Variants in ADGRL2 observed in about 807,000 individuals in gnomAD.
The protein encoded by ADGRL2 is calcium-independent alpha-latrotoxin receptor 2.
ADGRL2 carries 44 observed loss-of-function variants against 157.4 expected under a neutral mutation model. The ratio of observed to expected loss-of-function variants is 0.28; its 90% CI spans 0.22 to 0.36. ADGRL2 has a LOEUF of 0.36. Ranked by LOEUF, ADGRL2 falls within the 10% of genes least tolerant of loss-of-function variation. The probability of loss-of-function intolerance (pLI) is 1.00; values close to 1 mark genes in which losing one functional copy is unlikely to be tolerated. For missense variants in ADGRL2, 1,510 were observed against 1,768.9 expected, an observed-to-expected ratio of 0.85 and a Z score of 2.63; for synonymous variants, 585 against 624.7, an observed-to-expected ratio of 0.94 and a Z score of 0.95.
At chr1:81,872,197 C>A (rs1438409231) in intron 2 of ADGRL2, among the ~76,000 whole-genome samples, 8 of 152,278 alleles carry the variant, frequency 5.3e-5, no homozygotes, top group Non-Finnish European at 1.2e-4. Flanking sequence ...GGAATCTTTT[C>A]TCCATTTCTT....
At chr1:81,486,929 G>A (rs553155133) in intron 2 of ADGRL2, among the ~76,000 whole-genome samples, 245 of 152,112 alleles carry the variant, frequency 1.6e-3, no homozygotes, top group Non-Finnish European at 2.8e-3. Flanking sequence ...CGGAAGTAAT[G>A]AGCAGGCTAC....
intron 3 of ADGRL2, among the ~76,000 whole-genome samples, chr1:81,689,678 G>T (rs937777591): frequency 1.3e-5 from 2 of 152,204 alleles, no homozygotes; most frequent in Non-Finnish European, 2.9e-5. Flanking sequence ...GCTGCAGGGG[G>T]CTGTGTGGGT....
At chr1:81,797,283 A>G (rs1394212379), upstream of ADGRL2, among the ~76,000 whole-genome samples, 3 of 152,186 alleles carry the variant, frequency 2.0e-5, no homozygotes, top group Non-Finnish European at 2.9e-5. Flanking sequence ...AACAATTTTG[A>G]AACAATTTTC....
At chr1:81,332,763 C>T (rs535064900) in intron 1 of ADGRL2, among the ~76,000 whole-genome samples, 1 of 152,170 alleles carries the variant, frequency 6.6e-6, no homozygotes, top group Admixed American at 6.5e-5. Flanking sequence ...TCCAGTAATA[C>T]ATCAAAGCAA....
intron 3 of ADGRL2, among the ~76,000 whole-genome samples, chr1:81,614,445 T>C (rs2148681360): frequency 6.6e-6 from 1 of 152,372 alleles, no homozygotes; most frequent in Non-Finnish European, 1.5e-5. Context: ...GAGAGGCTTC[T>C]GCAATCAGGC....
At chr1:81,395,490 C>T (rs12139987) in intron 1 of ADGRL2, among the ~76,000 whole-genome samples, 68,729 of 151,900 alleles carry the variant, frequency 0.45, 16,908 homozygotes, top group East Asian at 0.87. Context: ...TCCCATTCTG[C>T]TAGTTGTCTC....
intron 3 of ADGRL2, among the ~76,000 whole-genome samples, chr1:81,634,073 G>T (rs1033110203): frequency 6.6e-6 from 1 of 152,154 alleles, no homozygotes; most frequent in Non-Finnish European, 1.5e-5. Context: ...AAAGAAGACT[G>T]TGTAAGAGTC....
At chr1:81,613,105 G>A (rs1924651) in intron 3 of ADGRL2, among the ~76,000 whole-genome samples, 112,581 of 152,056 alleles carry the variant, frequency 0.74, 41,881 homozygotes, top group African/African-American at 0.79. Context: ...TTTGAATCCC[G>A]GTTCTGCCTC....
At chr1:81,367,427 G>A (rs147652669) in intron 1 of ADGRL2, among the ~76,000 whole-genome samples, 1 of 152,246 alleles carries the variant, frequency 6.6e-6, no homozygotes, top group East Asian at 1.9e-4. Flanking sequence ...GTGTCCATGT[G>A]TTCTCATCAT....
intron 3 of ADGRL2, among the ~76,000 whole-genome samples, chr1:81,585,539 C>G (rs906255663): frequency 5.9e-5 from 9 of 152,196 alleles, no homozygotes; most frequent in African/African-American, 2.2e-4. Flanking sequence ...TATTATTATG[C>G]ATTGCAGGCA....
chr1:81,724,651 AC>A (rs1258812562), intron 1 of ADGRL2, among the ~76,000 whole-genome samples: 2 of 152,218 alleles, frequency 1.3e-5, no homozygotes, highest in Admixed American at 1.3e-4. Flanking sequence ...TATGTTTCTA[AC>A]AATGTTTCAA....
At chr1:81,326,457 A>G (rs1660906982) in intron 1 of ADGRL2, among the ~76,000 whole-genome samples, 1 of 152,236 alleles carries the variant, frequency 6.6e-6, no homozygotes, top group Non-Finnish European at 1.5e-5. Context: ...TTTCCACACT[A>G]AACACAAACG....
chr1:81,627,273 C>A (rs913272388), intron 3 of ADGRL2, among the ~76,000 whole-genome samples: 9 of 152,096 alleles, frequency 5.9e-5, no homozygotes, highest in Admixed American at 1.3e-4. Flanking sequence ...GCCCTTCATG[C>A]CTGTGTCTTT....
At chr1:81,395,158 G>T (rs528377452) in intron 1 of ADGRL2, among the ~76,000 whole-genome samples, 2 of 152,058 alleles carry the variant, frequency 1.3e-5, no homozygotes, top group African/African-American at 4.8e-5. Flanking sequence ...TGATCCACCC[G>T]CTTTGGCCTT....
chr1:81,775,751 G>T (rs765959219), intron 2 of ADGRL2, among the ~76,000 whole-genome samples: 2 of 152,122 alleles, frequency 1.3e-5, no homozygotes, highest in African/African-American at 2.4e-5. Flanking sequence ...AAGCAAATAA[G>T]CATGACATTT....
chr1:81,503,140 G>A (rs905596292), intron 2 of ADGRL2: 11 of 1,614,002 alleles, frequency 6.8e-6, no homozygotes, highest in Non-Finnish European at 9.3e-6. Flanking sequence ...GGTGCAGCAG[G>A]CCTTCCAGCG....
At chr1:81,719,675 T>C (rs1158819047) in intron 1 of ADGRL2, among the ~76,000 whole-genome samples, 1 of 152,202 alleles carries the variant, frequency 6.6e-6, no homozygotes, top group Non-Finnish European at 1.5e-5. Context: ...TTTCTGGAAT[T>C]GAGTTTATCC....
At chr1:81,798,048 T>G (rs1290748867), upstream of ADGRL2, among the ~76,000 whole-genome samples, 1 of 152,184 alleles carries the variant, frequency 6.6e-6, no homozygotes, top group Admixed American at 6.5e-5. Context: ...AATAACAATA[T>G]AGATTGAGTA....
intron 2 of ADGRL2, among the ~76,000 whole-genome samples, chr1:81,846,522 G>A (rs2092796525): frequency 6.6e-6 from 1 of 151,450 alleles, no homozygotes; most frequent in South Asian, 2.1e-4. Context: ...TATGAAGCCT[G>A]GTTAAGTTTT....
Sources: gnomAD v4.1 joint callset for allele counts (sites outside exome capture counted in the v4.1 genomes callset) on GRCh38, gnomAD v4.1.1 for gene constraint, MANE v1.5 for transcripts, NCBI Gene and HGNC (gene_info 2026-07-23, HGNC 2026-07-21) for gene names.